The following ARPP19 variants were observed in gnomAD, a reference collection of about 807,000 sequenced individuals.
The protein encoded by ARPP19 is cAMP regulated phosphoprotein 19.
Under a neutral mutation model 12.0 loss-of-function variants are expected in ARPP19, and 8 were observed. The observed-to-expected ratio is 0.67, with a 90% confidence interval of 0.39 to 1.21. The LOEUF is 1.21. Ranked by LOEUF, ARPP19 falls within the 50% of genes most tolerant of loss-of-function variation. The pLI is 0.01. For missense variants in ARPP19, 102 were observed against 136.3 expected, an observed-to-expected ratio of 0.75 and a Z score of 1.25; for synonymous variants, 47 against 50.4, an observed-to-expected ratio of 0.93 and a Z score of 0.29.
rs187017613 is a variant in ARPP19 at position 52,562,927 on chromosome 15, G to A, written c.46-5705C>T. Among the ~76,000 whole-genome samples, 248 of 147,940 alleles carry A rather than the reference G, an allele frequency of 1.7e-3. 1 individual carries two copies. Among genetic ancestry groups the A allele is most frequent in the African/African-American group, 6.0e-3 (241 of 40,054 alleles). On this transcript the variant is annotated intron_variant, in intron 1 of 2. Transcript: ENST00000249822. The stretch of plus-strand genomic sequence containing the variant: ...CTGTCGCCCAGGCTGGAGTGTGGTG[G>A]CACGATCTCGGCTCACTGCAACCTC...
chr15:52,554,085 AGAG>A (rs1566894658), intron 2 of ARPP19, among the ~76,000 whole-genome samples: 1 of 152,254 alleles, frequency 6.6e-6, no homozygotes, highest in Non-Finnish European at 1.5e-5. Context: ...TGTAGCCTCT[AGAG>A]GAGAACAAAG....
intron 2 of ARPP19, among the ~76,000 whole-genome samples, chr15:52,556,324 T>TA (rs2077981214): frequency 6.6e-6 from 1 of 152,098 alleles, no homozygotes; most frequent in African/African-American, 2.4e-5. Context: ...AATTTGAATA[T>TA]GCTTAAGCTG....
intron 1 of ARPP19, among the ~76,000 whole-genome samples, chr15:52,563,599 A>G (rs1367720931): frequency 2.0e-5 from 3 of 152,216 alleles, no homozygotes; most frequent in African/African-American, 7.2e-5. Context: ...GGACACTCAA[A>G]TAACTAAGGA....
rs138993084 is a variant in ARPP19, at chr15:52,550,594, G to T, written c.*1340C>A. The T allele has an allele frequency of 1.3e-5, 2 of 152,052 alleles. No individual in the cohort carries two copies. The highest frequency in any genetic ancestry group is 4.8e-5 in the African/African-American group (2 of 41,406). The allele number at this position is 152,052 out of a possible 1,614,324, so 9.4% of individuals were successfully genotyped here. A position where few individuals can be genotyped will look rare whatever the true frequency, so the allele number is the denominator to read the frequency against. On this transcript the variant is annotated 3_prime_UTR_variant, in exon 3 of 3. Coordinates refer to ENST00000249822, the MANE Select transcript of ARPP19 (RefSeq NM_006628.6). ...ATTGCACTACTGCACTAGAGCTCAGGTGACAGAGCAAGGCCCTATCCTAAA... is the reference window on the plus strand; with the variant it reads ...ATTGCACTACTGCACTAGAGCTCAGTTGACAGAGCAAGGCCCTATCCTAAA...
Position 52,547,552 on chromosome 15 carries a change from G to T in ARPP19, c.*4382C>A, listed in dbSNP as rs961342502. 2.6e-5 allele frequency: 4 copies of T among 152,192 alleles called. No homozygotes were observed. Among genetic ancestry groups the T allele is most frequent in the African/African-American group, 9.7e-5 (4 of 41,434 alleles). The allele number at this position is 152,192 out of a possible 1,614,324, so 9.4% of individuals were successfully genotyped here. A position where few individuals can be genotyped will look rare whatever the true frequency, so the allele number is the denominator to read the frequency against. On this transcript the variant is annotated 3_prime_UTR_variant, in exon 3 of 3. Transcript: ENST00000249822. Reference sequence around the variant, plus strand: ...ATTAATGGCTATCAAGACCAGCAGTGATCTGCAGAATACCTAGAGGCCTAC... The same window carrying T: ...ATTAATGGCTATCAAGACCAGCAGTTATCTGCAGAATACCTAGAGGCCTAC...
At chr15:52,556,363 A>G (rs186624240) in intron 2 of ARPP19, among the ~76,000 whole-genome samples, 58 of 152,256 alleles carry the variant, frequency 3.8e-4, no homozygotes, top group African/African-American at 1.3e-3. Context: ...TTTTTACAGC[A>G]AAGGAAGGGG....
chr15:52,550,353 TTACTC>T lies in ARPP19; in HGVS notation c.*1576_*1580del, dbSNP rs1199132855. On this transcript the variant is annotated 3_prime_UTR_variant, in exon 3 of 3. Coordinates refer to ENST00000249822, the MANE Select transcript of ARPP19 (RefSeq NM_006628.6). ...ATAGGAGTTTTACCTGTCATGTAAA[TTACTC>T]TAATTGTCACAAGCCTAATTCAATT... 6.6e-6 allele frequency: 1 copy of T among 152,340 alleles called. No homozygotes were observed. 9.4% of individuals were successfully genotyped at this position (152,340 alleles called of 1,614,324 possible). A position where few individuals can be genotyped will look rare whatever the true frequency, so the allele number is the denominator to read the frequency against.
intron 2 of ARPP19, among the ~76,000 whole-genome samples, chr15:52,552,975 G>A (rs1025215150): frequency 1.3e-5 from 2 of 152,114 alleles, no homozygotes; most frequent in Admixed American, 1.3e-4. Flanking sequence ...TACCCTGGAG[G>A]CTGAGACAAG....
intron 1 of ARPP19, among the ~76,000 whole-genome samples, chr15:52,560,249 G>A (rs1595865318): frequency 6.6e-6 from 1 of 151,640 alleles, no homozygotes; most frequent in East Asian, 1.9e-4. Flanking sequence ...TGCCCGCCTC[G>A]GCCTCCCAAA....
chr15:52,560,547 A>AG (rs2078022902), intron 1 of ARPP19, among the ~76,000 whole-genome samples: 1 of 152,112 alleles, frequency 6.6e-6, no homozygotes, highest in Non-Finnish European at 1.5e-5. Flanking sequence ...TGGATTTAAC[A>AG]GGGGGGAAAA....
At chr15:52,554,661 G>A (rs1595862009) in intron 2 of ARPP19, among the ~76,000 whole-genome samples, 1 of 152,144 alleles carries the variant, frequency 6.6e-6, no homozygotes, top group African/African-American at 2.4e-5. Context: ...CACCTAAAGT[G>A]GTAATGTTCA....
At chr15:52,567,275 A>G (rs1595869599) in intron 1 of ARPP19, among the ~76,000 whole-genome samples, 1 of 152,260 alleles carries the variant, frequency 6.6e-6, no homozygotes, top group South Asian at 2.1e-4. Flanking sequence ...TAGACAATCA[A>G]TAAGAGAAAA....
chr15:52,552,258 A>C (rs17614498), intron 2 of ARPP19, among the ~76,000 whole-genome samples, 154 bp from the exon 3 acceptor site: 15,574 of 152,168 alleles, frequency 0.1, 882 homozygotes, highest in Middle Eastern at 0.17. Flanking sequence ...GAGTTCCAGC[A>C]TAAGTCAACA....
intron 1 of ARPP19, among the ~76,000 whole-genome samples, chr15:52,560,061 A>C (rs1355444602): frequency 1.3e-5 from 2 of 152,202 alleles, no homozygotes; most frequent in African/African-American, 2.4e-5. Context: ...AAAATTTTTA[A>C]AGGAAAATTG....
At chr15:52,552,992 G>A (rs1032440945) in intron 2 of ARPP19, among the ~76,000 whole-genome samples, 1 of 151,708 alleles carries the variant, frequency 6.6e-6, no homozygotes, top group Non-Finnish European at 1.5e-5. Context: ...CAAGAGAATC[G>A]CTTGAACCCG....
chr15:52,558,520 GAT>G (rs1004002591), intron 1 of ARPP19, among the ~76,000 whole-genome samples: 1 of 150,624 alleles, frequency 6.6e-6, no homozygotes, highest in Non-Finnish European at 1.5e-5. Flanking sequence ...GCTGTACTGA[GAT>G]AGATAAACCG....
chr15:52,560,425 A>G (rs1011215364), intron 1 of ARPP19, among the ~76,000 whole-genome samples: 5 of 152,262 alleles, frequency 3.3e-5, no homozygotes, highest in African/African-American at 1.2e-4. Flanking sequence ...GAATGAATTT[A>G]TAACATGTCT....
At chr15:52,552,624 G>T (rs888692195) in intron 2 of ARPP19, among the ~76,000 whole-genome samples, 1 of 148,512 alleles carries the variant, frequency 6.7e-6, no homozygotes, top group African/African-American at 2.5e-5. Flanking sequence ...CTGCCTTCAG[G>T]CTTTCTTGAA....
At chr15:52,564,417 T>C (rs1041030052) in intron 1 of ARPP19, among the ~76,000 whole-genome samples, 1 of 152,124 alleles carries the variant, frequency 6.6e-6, no homozygotes, top group Non-Finnish European at 1.5e-5. Flanking sequence ...GTCTCAAACA[T>C]AACAAAAACA....
Sources: gnomAD v4.1 joint callset for allele counts (sites outside exome capture counted in the v4.1 genomes callset) on GRCh38, gnomAD v4.1.1 for gene constraint, MANE v1.5 for transcripts, NCBI Gene and HGNC (gene_info 2026-07-23, HGNC 2026-07-21) for gene names.